The following CFAP54 variants were observed in gnomAD, a reference collection of about 807,000 sequenced individuals.
CFAP54 encodes cilia and flagella associated protein 54, also known as cilia- and flagella-associated protein 54.
A neutral mutation model predicts 370.4 loss-of-function variants in CFAP54; 290 were observed. The ratio of observed to expected loss-of-function variants is 0.78; its 90% confidence interval spans 0.71 to 0.86. The LOEUF (loss-of-function observed/expected upper bound fraction) is 0.86, where lower values mean the gene tolerates loss of function less well. CFAP54 is among the 40% of genes least tolerant of loss of function. The pLI is 0.00. For synonymous variants in CFAP54, 1,206 were observed against 1,236.5 expected (o/e 0.98, Z 0.52); for missense variants, 3,399 against 3,528.7 (o/e 0.96, Z 0.93).
At chr12:96,544,621 C>T (rs770925867) in intron 14 of CFAP54, among the ~76,000 whole-genome samples, 1 of 152,148 alleles carries the variant, frequency 6.6e-6, no homozygotes, top group African/African-American at 2.4e-5. Flanking sequence ...GGGTCCTGCC[C>T]CATACCCAGG....
At chr12:96,577,306 T>C (rs1308216972) in intron 20 of CFAP54, among the ~76,000 whole-genome samples, 13 of 152,192 alleles carry the variant, frequency 8.5e-5, no homozygotes, top group Non-Finnish European at 4.4e-5. Context: ...GAAGGTGAGC[T>C]TTTTCTCCCA....
In CFAP54 at chr12:96,535,544, G is replaced by T; in HGVS notation, c.1735G>T (p.Glu579Ter). Residue 579 changes from glutamate (E) to a stop codon, truncating the protein, a stop_gained, in exon 12 of 68, where the codon GAG becomes TAG. Coordinates refer to ENST00000524981, the MANE Select transcript of CFAP54 (RefSeq NM_001306084.2). LOFTEE classifies it high-confidence loss of function. ...TTGTTTGAAGACTTGTGGATATTCA[G>T]AGGATATTTTCCATTTGGCAGCAAC... is the stretch of plus-strand genomic sequence containing the variant. Reference protein sequence around the residue: ...DTCLKTCGYSEDIFHLAATLY... With the variant: ...DTCLKTCGYS 6.5e-7 allele frequency: 1 copy of T among 1,535,932 alleles called. No homozygotes were observed. Among genetic ancestry groups the T allele is most frequent in the Non-Finnish European group, 8.7e-7 (1 of 1,146,482 alleles).
Position 96,611,702 on chromosome 12 carries a change from G to A in CFAP54, c.3640-9888G>A, listed in dbSNP as rs368318200. On this transcript the variant is annotated intron_variant, in intron 26 of 67. Coordinates refer to ENST00000524981, the MANE Select transcript of CFAP54 (RefSeq NM_001306084.2). ...TAGAGAAGTCCTTAAATGACCTGAT[G>A]GAGCTGAAAACCATGACACGAGAAC... Among the ~76,000 whole-genome samples the A allele has an allele frequency of 1.3e-4, 20 of 152,318 alleles. No homozygotes were observed. The East Asian group carries it at 2.7e-3, about 21-fold the overall frequency.
intron 23 of CFAP54, among the ~76,000 whole-genome samples, chr12:96,589,892 G>A (rs1480283473): frequency 6.6e-6 from 1 of 152,020 alleles, no homozygotes; most frequent in Non-Finnish European, 1.5e-5. Flanking sequence ...GATTACAGGT[G>A]TGCACCACCA....
chr12:96,652,406 T>C (rs1956870969), intron 36 of CFAP54, among the ~76,000 whole-genome samples: 1 of 152,230 alleles, frequency 6.6e-6, no homozygotes, highest in African/African-American at 2.4e-5. Flanking sequence ...GGGTAAATTA[T>C]TAAGGTTTTT....
chr12:96,726,830 T>C (rs1221650820), intron 50 of CFAP54, among the ~76,000 whole-genome samples: 1 of 151,934 alleles, frequency 6.6e-6, no homozygotes, highest in Non-Finnish European at 1.5e-5. Context: ...TAAATTTCCC[T>C]CTACACACTG....
chr12:96,872,612 T>TG (rs1394809658), intron 67 of CFAP54, among the ~76,000 whole-genome samples: 1 of 152,218 alleles, frequency 6.6e-6, no homozygotes, highest in African/African-American at 2.4e-5. Flanking sequence ...GTTCTAAATG[T>TG]GTTTCCATTT....
chr12:96,772,243 C>T (rs1257168330), intron 60 of CFAP54, among the ~76,000 whole-genome samples: 2 of 152,104 alleles, frequency 1.3e-5, no homozygotes, highest in East Asian at 1.9e-4. Flanking sequence ...CCTGCTGTAA[C>T]AAATTACCAC....
intron 32 of CFAP54, among the ~76,000 whole-genome samples, chr12:96,638,241 GTATATATA>G (rs58804420): frequency 1.1e-4 from 14 of 123,066 alleles, no homozygotes; most frequent in South Asian, 2.5e-4. Flanking sequence ...GTGTGTGTGT[GTATATATA>G]TATATATTTA....
rs191093020 is a variant in CFAP54, at chr12:96,512,863, A to G, written c.740-123A>G. 1.1e-3 allele frequency: 508 copies of G among 480,384 alleles called. 2 individuals carry two copies. Among genetic ancestry groups the G allele is most frequent in the African/African-American group, 8.2e-3 (415 of 50,340 alleles). 29.8% of individuals were successfully genotyped at this position (480,384 alleles called of 1,614,324 possible). A position where few individuals can be genotyped will look rare whatever the true frequency, so the allele number is the denominator to read the frequency against. ...TATGATGAGTATAACTCTATATACC[A>G]TTATCAGACTTCCTCATAAGATCAC... On this transcript the variant is annotated intron_variant, in intron 4 of 67. Transcript: ENST00000524981.
chr12:96,769,616 TC>T (rs11366130), intron 60 of CFAP54, among the ~76,000 whole-genome samples: 55,267 of 152,048 alleles, frequency 0.36, 10,791 homozygotes, highest in East Asian at 0.58. Flanking sequence ...ATTAACTCTT[TC>T]TTTCTCTGGG....
At chr12:96,575,294 A>T (rs1399823410) in intron 19 of CFAP54, among the ~76,000 whole-genome samples, 1 of 152,124 alleles carries the variant, frequency 6.6e-6, no homozygotes, top group East Asian at 1.9e-4. Context: ...GTCTTTTATC[A>T]GATACATGAT....
intron 1 of CFAP54, among the ~76,000 whole-genome samples, chr12:96,498,485 T>C (rs540346445): frequency 1.6e-3 from 246 of 152,308 alleles, no homozygotes; most frequent in Non-Finnish European, 2.6e-3. Context: ...AAAACCCATC[T>C]CTATTAAAAA....
Position 96,657,977 on chromosome 12 carries a change from GGAT to G in CFAP54, c.5201_5203del (p.Asp1734del), listed in dbSNP as rs991696941. ...CTAGTCTTACCTTTGAGCATCCTTT[GGAT>G]GATGTAAATGTGGTTGATTTGAAAT... On this transcript the variant is annotated inframe_deletion, in exon 37 of 68. Transcript: ENST00000524981. 5.6e-6 allele frequency: 9 copies of G among 1,613,474 alleles called. No individual in the cohort carries two copies. The Admixed American group carries it at 1.5e-4, about 27-fold the overall frequency.
chr12:96,757,499 A>G lies in CFAP54; in HGVS notation c.7951A>G (p.Ile2651Val), dbSNP rs185143423. 64 of 1,563,300 alleles carry G rather than the reference A, an allele frequency of 4.1e-5. No homozygotes were observed. Among genetic ancestry groups the G allele is most frequent in the East Asian group, 1.6e-4 (7 of 44,614 alleles). The change falls in exon 58 of 68, where the codon ATA becomes GTA. Residue 2651 changes from isoleucine to valine, a missense_variant. Coordinates refer to ENST00000524981, the MANE Select transcript of CFAP54 (RefSeq NM_001306084.2). Reference protein sequence around the residue: ...SLKNDQNSGLIRDSYLEMALL... With the variant: ...SLKNDQNSGLVRDSYLEMALL... ...TACAGTGCTATATCATTTTAGATTGATAAGAGACTCCTACCTAGAAATGGC... is the reference window on the plus strand; with the variant it reads ...TACAGTGCTATATCATTTTAGATTGGTAAGAGACTCCTACCTAGAAATGGC...
At chr12:96,555,384 G>T (rs958423657) in intron 17 of CFAP54, among the ~76,000 whole-genome samples, 3 of 151,652 alleles carry the variant, frequency 2.0e-5, no homozygotes, top group African/African-American at 7.3e-5. Context: ...GCTGATTGGT[G>T]CAGGAAGATG....
Position 96,554,175 on chromosome 12 carries a change from A to G in CFAP54, c.2155-7A>G. The G allele has an allele frequency of 6.8e-7, 1 of 1,470,580 alleles. No individual in the cohort carries two copies. The highest frequency in any genetic ancestry group is 9.0e-7 in the Non-Finnish European group (1 of 1,115,416). The allele number at this position is 1,470,580 out of a possible 1,614,324, so 91.1% of individuals were successfully genotyped here. A position where few individuals can be genotyped will look rare whatever the true frequency, so the allele number is the denominator to read the frequency against. On this transcript the variant is annotated splice_polypyrimidine_tract_variant and splice_region_variant and intron_variant, in intron 15 of 67. Coordinates refer to ENST00000524981, the MANE Select transcript of CFAP54 (RefSeq NM_001306084.2). ...ATTTTTCTTTTTTGTTTATAAAATT[A>G]TTTTAGAAAAATCCTGTGGAACAGT...
intron 61 of CFAP54, among the ~76,000 whole-genome samples, chr12:96,785,622 G>C (rs368246716): frequency 6.6e-6 from 1 of 152,164 alleles, no homozygotes; most frequent in Non-Finnish European, 1.5e-5. Flanking sequence ...GGGGGCTAGA[G>C]CAAGGGAAGT....
chr12:96,541,041 T>A, intron 14 of CFAP54, 54 bp downstream of exon 14: 3 of 1,172,582 alleles, frequency 2.6e-6, no homozygotes, highest in Non-Finnish European at 3.4e-6. Flanking sequence ...TATATAGGTA[T>A]GATATCAAAT....
Sources: gnomAD v4.1 joint callset for allele counts (sites outside exome capture counted in the v4.1 genomes callset) on GRCh38, gnomAD v4.1.1 for gene constraint, MANE v1.5 for transcripts, NCBI Gene and HGNC (gene_info 2026-07-23, HGNC 2026-07-21) for gene names.